The following TRANK1 variants were observed in gnomAD, a reference collection of about 807,000 sequenced individuals.
The protein encoded by TRANK1 is TPR and ankyrin repeat-containing protein 1.
In TRANK1, 198 loss-of-function variants were observed where a neutral mutation model predicts 266.0. The observed-to-expected ratio is 0.74, with a 90% CI of 0.66 to 0.84. The LOEUF is 0.84. Among genes scored for constraint, TRANK1 ranks in the 40% least tolerant of loss-of-function variants. The probability of loss-of-function intolerance (pLI) is 0.00; values close to 1 mark genes in which losing one functional copy is unlikely to be tolerated. For synonymous variants in TRANK1, 1,396 were observed against 1,384.1 expected (o/e 1.01, Z -0.19); for missense variants, 3,326 against 3,634.6 (o/e 0.92, Z 2.18).
At chr3:36,905,012 G>A (rs993765579) in intron 2 of TRANK1, among the ~76,000 whole-genome samples, 43 of 151,568 alleles carry the variant, frequency 2.8e-4, no homozygotes, top group Non-Finnish European at 4.3e-4. Flanking sequence ...TGGGTAGGCC[G>A]GGCACAGTGG....
rs2079912511 is a variant in TRANK1 at position 36,903,345 on chromosome 3, T to C, written c.156-70A>G. 1.1e-5 allele frequency: 16 copies of C among 1,495,106 alleles called. No homozygotes were observed. The South Asian group carries it at 2.1e-4, about 19-fold the overall frequency. 92.6% of individuals were successfully genotyped at this position (1,495,106 alleles called of 1,614,324 possible). ...AAAACAGTCTGTGAAGTCCCCCCAT[T>C]CGGTGCTGGCTGCTGCCATCAGGAA... On this transcript the variant is annotated intron_variant, in intron 2 of 23. Transcript: ENST00000645898.
At chr3:36,924,739 G>A (rs928048943) in intron 1 of TRANK1, among the ~76,000 whole-genome samples, 1 of 152,048 alleles carries the variant, frequency 6.6e-6, no homozygotes, top group African/African-American at 2.4e-5. Flanking sequence ...GGTGCGAAAG[G>A]CCAGGCCACT....
intron 15 of TRANK1, among the ~76,000 whole-genome samples, chr3:36,848,440 T>C (rs2078943468): frequency 6.6e-6 from 1 of 152,244 alleles, no homozygotes; most frequent in Admixed American, 6.5e-5. Context: ...AGAAACTTCA[T>C]ATTTCATACT....
intron 15 of TRANK1, 30 bp from the exon 16 acceptor site, chr3:36,847,376 C>G (rs1375075279): frequency 1.9e-6 from 3 of 1,611,058 alleles, no homozygotes; most frequent in Non-Finnish European, 2.5e-6. Context: ...TGAAGACCAA[C>G]AGAATATGCT....
intron 15 of TRANK1, chr3:36,851,311 C>G (rs2078981768): frequency 1.0e-6 from 1 of 990,848 alleles, no homozygotes; most frequent in African/African-American, 1.7e-5. Context: ...GGAATTGTCT[C>G]TATCTATGAA....
At chr3:36,879,735 A>AATATATAAATATATATTT (rs2079461423) in intron 8 of TRANK1, among the ~76,000 whole-genome samples, 1 of 106,712 alleles carries the variant, frequency 9.4e-6, no homozygotes, top group Admixed American at 1.1e-4. Context: ...AATATATATA[A>AATATATAAATATATATTT]ATATACAAAT....
intron 9 of TRANK1, among the ~76,000 whole-genome samples, chr3:36,873,131 C>G (rs2079333910): frequency 6.6e-6 from 1 of 152,140 alleles, no homozygotes; most frequent in Admixed American, 6.5e-5. Context: ...ATTCCCATTT[C>G]AAAGATGTTA....
chr3:36,910,632 C>G (rs1363908973), intron 1 of TRANK1, among the ~76,000 whole-genome samples: 1 of 151,760 alleles, frequency 6.6e-6, no homozygotes, highest in African/African-American at 2.4e-5. Flanking sequence ...CCCAGCTACT[C>G]GGGAGGCTGA....
chr3:36,852,458 T>A, intron 13 of TRANK1, 113 bp from the exon 14 acceptor site: 1 of 974,530 alleles, frequency 1.0e-6, no homozygotes, highest in Non-Finnish European at 1.5e-6. Context: ...CCCTACAGTA[T>A]GTATAATTGC....
At chr3:36,944,266 C>A (rs535984112) in intron 1 of TRANK1, among the ~76,000 whole-genome samples, 5 of 152,332 alleles carry the variant, frequency 3.3e-5, no homozygotes, top group East Asian at 1.9e-4. Context: ...AGCCCTCAAT[C>A]GGGCGGGCAG....
At chr3:36,853,560 A>G (rs1227252827) in intron 13 of TRANK1, among the ~76,000 whole-genome samples, 1 of 152,222 alleles carries the variant, frequency 6.6e-6, no homozygotes, top group Non-Finnish European at 1.5e-5. Context: ...ATATATCTAC[A>G]TTAACAGGAG....
chr3:36,906,800 T>C (rs554994503), intron 2 of TRANK1, among the ~76,000 whole-genome samples: 6 of 152,326 alleles, frequency 3.9e-5, no homozygotes, highest in African/African-American at 1.4e-4. Context: ...AACACCTTGA[T>C]TTTAGCCCCA....
At chr3:36,899,722 G>A (rs1383524213) in intron 3 of TRANK1, among the ~76,000 whole-genome samples, 1 of 152,170 alleles carries the variant, frequency 6.6e-6, no homozygotes, top group Middle Eastern at 3.2e-3. Context: ...TATATTCTGT[G>A]CCACATTGCT....
Position 36,856,590 on chromosome 3 carries a change from C to A in TRANK1, c.3132G>T (p.Thr1044=). 24 of 1,613,958 alleles carry A rather than the reference C, an allele frequency of 1.5e-5. 1 individual carries two copies. The highest frequency in any genetic ancestry group is 2.0e-5 in the Non-Finnish European group (24 of 1,179,882). ...TNMAFNILND[T]TATVEYPFRV... The stretch of plus-strand genomic sequence containing the variant: ...GGAAGGGGTACTCCACTGTGGCTGT[C>A]GTGTCATTGAGGATGTTAAAGGCCA... Residue 1044 remains threonine, a synonymous_variant, in exon 13 of 24, where the codon ACG becomes ACT. Transcript: ENST00000645898.
chr3:36,896,030 G>A (rs6781803), intron 4 of TRANK1, among the ~76,000 whole-genome samples: 48,796 of 151,978 alleles, frequency 0.32, 8,674 homozygotes, highest in East Asian at 0.57. Flanking sequence ...ATGTGCTTAT[G>A]TTCAATACCT....
At position 36,832,419 on chromosome 3, in the gene TRANK1, G is replaced by A. The variant is rs1452427305; in HGVS notation, c.7164C>T (p.Gly2388=). The A allele has an allele frequency of 3.1e-6, 5 of 1,613,894 alleles. No homozygotes were observed. Among genetic ancestry groups the A allele is most frequent in the Non-Finnish European group, 2.5e-6 (3 of 1,179,906 alleles). The stretch of plus-strand genomic sequence containing the variant: ...CATCATCCCTGTTGGGTGCCAGCAT[G>A]CCAAATTTCCCTTCTATTCCTTTTA... ...SRIKGIEGKF[G]MLAPNRDDEN... The change falls in exon 22 of 24, where the codon GGC becomes GGT. Residue 2388 remains glycine (G), a synonymous_variant. Coordinates refer to ENST00000645898, the MANE Select transcript of TRANK1 (RefSeq NM_001329998.2).
intron 8 of TRANK1, among the ~76,000 whole-genome samples, chr3:36,886,538 T>C (rs1457085067): frequency 6.6e-6 from 1 of 152,188 alleles, no homozygotes; most frequent in Non-Finnish European, 1.5e-5. Flanking sequence ...CATATGGCTA[T>C]AGAGCACTTG....
Position 36,830,857 on chromosome 3 carries a change from C to T in TRANK1, c.8710+16G>A. The T allele has an allele frequency of 1.3e-6, 2 of 1,568,216 alleles. No homozygotes were observed. Among genetic ancestry groups the T allele is most frequent in the Non-Finnish European group, 1.7e-6 (2 of 1,154,866 alleles). The stretch of plus-strand genomic sequence containing the variant: ...GGTCTCACTCTGCCTGGGCCCCCAT[C>T]TCTGCAGACCCTTACCGCCAGCCCA... On this transcript the variant is annotated intron_variant, in intron 22 of 23. Transcript: ENST00000645898.
At chr3:36,878,540 TG>T (rs2079423294) in intron 8 of TRANK1, among the ~76,000 whole-genome samples, 2 of 152,126 alleles carry the variant, frequency 1.3e-5, no homozygotes, top group African/African-American at 4.8e-5. Context: ...TGTTCTTACC[TG>T]TAAGTGAGGG....
Sources: allele counts gnomAD v4.1 joint callset (sites outside exome capture counted in the v4.1 genomes callset), GRCh38; gene constraint gnomAD v4.1.1; transcripts MANE v1.5; gene names NCBI Gene and HGNC (gene_info 2026-07-23, HGNC 2026-07-21).